XKR6: variants seen among roughly 807,000 people sequenced by gnomAD.
The protein encoded by XKR6 is XK-related protein 6.
XKR6 carries 22 observed loss-of-function variants against 56.7 expected under a neutral mutation model. The observed-to-expected ratio is 0.39, with a 90% CI of 0.28 to 0.55. The LOEUF (loss-of-function observed/expected upper bound fraction) is 0.55. Among genes scored for constraint, XKR6 ranks in the 20% least tolerant of loss-of-function variants. The pLI is 0.66. For missense variants in XKR6, 852 were observed against 889.0 expected, an observed-to-expected ratio of 0.96 and a Z score of 0.53; for synonymous variants, 524 against 387.8, an observed-to-expected ratio of 1.35 and a Z score of -4.13.
intron 1 of XKR6, among the ~76,000 whole-genome samples, chr8:11,136,323 C>T (rs560658240): frequency 2.0e-5 from 3 of 152,270 alleles, no homozygotes; most frequent in African/African-American, 7.2e-5. Context: ...ACCAGCCTGA[C>T]CAACATGGCA....
At chr8:11,155,593 A>T (rs1012529419) in intron 1 of XKR6, among the ~76,000 whole-genome samples, 2 of 152,208 alleles carry the variant, frequency 1.3e-5, no homozygotes, top group Non-Finnish European at 2.9e-5. Context: ...TGTTTGTTTT[A>T]TATACAGACA....
chr8:11,013,620 C>T (rs1325711801), intron 1 of XKR6, among the ~76,000 whole-genome samples: 2 of 152,158 alleles, frequency 1.3e-5, no homozygotes, highest in East Asian at 3.9e-4. Flanking sequence ...TAGATCTGGC[C>T]CCGGATCTGT....
chr8:10,917,105 T>G (rs1013903298), intron 2 of XKR6, among the ~76,000 whole-genome samples: 6 of 151,858 alleles, frequency 4.0e-5, no homozygotes, highest in Admixed American at 2.6e-4. Flanking sequence ...TTGGTGCTGG[T>G]ATCTGTGGTT....
chr8:10,901,036 A>G (rs1174351830), intron 2 of XKR6, among the ~76,000 whole-genome samples: 1 of 145,602 alleles, frequency 6.9e-6, no homozygotes, highest in Non-Finnish European at 1.5e-5. Context: ...TATTTTTTGT[A>G]GAGACAGAGT....
At chr8:10,966,052 G>C (rs1448416948) in intron 1 of XKR6, among the ~76,000 whole-genome samples, 1 of 152,014 alleles carries the variant, frequency 6.6e-6, no homozygotes, top group African/African-American at 2.4e-5. Flanking sequence ...CTCAAACCTC[G>C]GGTACATCCA....
intron 1 of XKR6, among the ~76,000 whole-genome samples, chr8:10,959,583 C>G (rs542825653): frequency 6.6e-6 from 1 of 152,242 alleles, no homozygotes; most frequent in African/African-American, 2.4e-5. Flanking sequence ...AGGGAACAAG[C>G]TTGCTGGTGT....
At chr8:11,160,242 G>A (rs1801728811) in intron 1 of XKR6, among the ~76,000 whole-genome samples, 1 of 152,132 alleles carries the variant, frequency 6.6e-6, no homozygotes, top group South Asian at 2.1e-4. Context: ...CAGATAAGTA[G>A]GGATTTTCTG....
chr8:10,969,372 G>A (rs1802330768), intron 1 of XKR6, among the ~76,000 whole-genome samples: 1 of 152,194 alleles, frequency 6.6e-6, no homozygotes, highest in Non-Finnish European at 1.5e-5. Context: ...GGTTGAGGAT[G>A]TCACCCAGTG....
intron 1 of XKR6, among the ~76,000 whole-genome samples, chr8:11,004,604 T>G (rs1025444438): frequency 1.3e-5 from 2 of 152,216 alleles, no homozygotes; most frequent in African/African-American, 4.8e-5. Context: ...GGGAGCTGGT[T>G]AAACAAAACT....
chr8:11,051,412 C>G (rs1028872124), intron 1 of XKR6, among the ~76,000 whole-genome samples: 1 of 152,204 alleles, frequency 6.6e-6, no homozygotes, highest in Non-Finnish European at 1.5e-5. Context: ...TACACTTCCC[C>G]AGGGGTGTTT....
chr8:10,993,697 T>G (rs1798045325), intron 1 of XKR6, among the ~76,000 whole-genome samples: 1 of 152,162 alleles, frequency 6.6e-6, no homozygotes, highest in Non-Finnish European at 1.5e-5. Context: ...CCCTTTGTCT[T>G]CCAGCAACAT....
At chr8:10,962,709 T>A (rs1284900515) in intron 1 of XKR6, among the ~76,000 whole-genome samples, 1 of 152,088 alleles carries the variant, frequency 6.6e-6, no homozygotes, top group Non-Finnish European at 1.5e-5. Flanking sequence ...CATTGCAACC[T>A]CTGTCTCCCG....
At chr8:11,029,084 A>T (rs796189908) in intron 1 of XKR6, among the ~76,000 whole-genome samples, 11 of 152,226 alleles carry the variant, frequency 7.2e-5, no homozygotes, top group African/African-American at 2.6e-4. Flanking sequence ...CTGAGTCCTC[A>T]GCGACCCTCC....
At chr8:10,984,185 T>C (rs1037293113) in intron 1 of XKR6, among the ~76,000 whole-genome samples, 3 of 152,196 alleles carry the variant, frequency 2.0e-5, no homozygotes, top group Admixed American at 2.0e-4. Flanking sequence ...ACTTTACATA[T>C]TAATAGATCA....
At chr8:11,089,026 G>A (rs1165923558) in intron 1 of XKR6, among the ~76,000 whole-genome samples, 2 of 152,204 alleles carry the variant, frequency 1.3e-5, no homozygotes, top group African/African-American at 4.8e-5. Flanking sequence ...CATATAGTCA[G>A]AGTAAGGGAC....
At chr8:11,093,105 G>T (rs779131066) in intron 1 of XKR6, among the ~76,000 whole-genome samples, 1 of 151,874 alleles carries the variant, frequency 6.6e-6, no homozygotes, top group African/African-American at 2.4e-5. Flanking sequence ...AATCAGGCTG[G>T]AGTGCAATGG....
chr8:10,924,862 C>A, intron 1 of XKR6, 32 bp from the exon 2 acceptor site: 1 of 1,595,306 alleles, frequency 6.3e-7, no homozygotes, highest in Non-Finnish European at 8.6e-7. Context: ...ACACAGAGAG[C>A]ATGGGTGGGT....
intron 1 of XKR6, among the ~76,000 whole-genome samples, chr8:11,196,321 A>G (rs1803885348): frequency 6.6e-6 from 1 of 152,236 alleles, no homozygotes; most frequent in African/African-American, 2.4e-5. Flanking sequence ...TTTGTATCCC[A>G]TAAAAGGCAA....
At chr8:11,060,957 A>T (rs1192954715) in intron 1 of XKR6, among the ~76,000 whole-genome samples, 1 of 152,210 alleles carries the variant, frequency 6.6e-6, no homozygotes. Context: ...TGGCTCAACA[A>T]GGAGAAACAA....
Sources: allele counts gnomAD v4.1 joint callset (sites outside exome capture counted in the v4.1 genomes callset), GRCh38; gene constraint gnomAD v4.1.1; transcripts MANE v1.5; gene names NCBI Gene and HGNC (gene_info 2026-07-23, HGNC 2026-07-21).